Variants in PLEKHM3 observed in about 807,000 individuals in gnomAD.
PLEKHM3 encodes the protein pleckstrin homology domain containing M3.
PLEKHM3 carries 45 observed loss-of-function variants against 81.8 expected under a neutral mutation model. The observed-to-expected ratio is 0.55, with a 90% CI of 0.43 to 0.71. The LOEUF (loss-of-function observed/expected upper bound fraction) is 0.71, where lower values mean the gene tolerates loss of function less well. PLEKHM3 is among the 30% of genes least tolerant of loss of function. The pLI is 0.00. For missense variants in PLEKHM3, 788 were observed against 924.3 expected, an observed-to-expected ratio of 0.85 and a Z score of 1.91; for synonymous variants, 352 against 356.4, an observed-to-expected ratio of 0.99 and a Z score of 0.14.
intron 6 of PLEKHM3, among the ~76,000 whole-genome samples, chr2:207,893,658 CAT>C (rs1201371836): frequency 1.3e-5 from 2 of 152,066 alleles, no homozygotes; most frequent in African/African-American, 2.4e-5. Flanking sequence ...AATACACACA[CAT>C]ATATATGCAT....
Position 207,976,765 on chromosome 2 carries a change from C to A in PLEKHM3, c.1432G>T (p.Gly478Cys). The A allele has an allele frequency of 3.7e-6, 6 of 1,614,232 alleles. No individual in the cohort carries two copies. Among genetic ancestry groups the A allele is most frequent in the Non-Finnish European group, 5.1e-6 (6 of 1,180,054 alleles). Residue 478 changes from glycine to cysteine, a missense_variant, in exon 3 of 8, where the codon GGT becomes TGT. Transcript: ENST00000427836. This position sits in a 1 kb window ranked among gnomAD's most constrained non-coding sequence, Gnocchi z 4.1. Reference sequence around the variant, plus strand: ...TTGTTCTTCCTGAGTTCATGCCCACCCATTTGATCCTTGGGTTTGTTCCTC... The same window carrying A: ...TTGTTCTTCCTGAGTTCATGCCCACACATTTGATCCTTGGGTTTGTTCCTC... Reference protein sequence around the residue: ...TLRNKPKDQMGGHELRKNKRQ... With the variant: ...TLRNKPKDQMCGHELRKNKRQ...
intron 3 of PLEKHM3, among the ~76,000 whole-genome samples, chr2:207,956,122 G>A (rs911890592): frequency 4.6e-5 from 7 of 152,176 alleles, no homozygotes; most frequent in African/African-American, 1.7e-4. Flanking sequence ...ATTGTAAATA[G>A]AGGAGTATGA....
chr2:207,935,076 A>G (rs1450101694), intron 4 of PLEKHM3, among the ~76,000 whole-genome samples: 7 of 152,230 alleles, frequency 4.6e-5, no homozygotes, highest in Non-Finnish European at 7.3e-5. Flanking sequence ...AACACGAATA[A>G]GAAGGACTTG....
At chr2:207,919,967 C>G (rs1390869614) in intron 5 of PLEKHM3, among the ~76,000 whole-genome samples, 1 of 152,018 alleles carries the variant, frequency 6.6e-6, no homozygotes, top group Non-Finnish European at 1.5e-5. Flanking sequence ...CACACACACA[C>G]GCACACACAC....
chr2:207,839,382 C>A (rs937405978), intron 7 of PLEKHM3, among the ~76,000 whole-genome samples: 1 of 152,008 alleles, frequency 6.6e-6, no homozygotes, highest in Non-Finnish European at 1.5e-5. Flanking sequence ...ACTTTATGAG[C>A]AGTGTGATTA....
At chr2:207,890,853 A>C (rs575927143) in intron 6 of PLEKHM3, among the ~76,000 whole-genome samples, 3 of 152,356 alleles carry the variant, frequency 2.0e-5, no homozygotes, top group African/African-American at 7.2e-5. Context: ...AAAGCAAATC[A>C]ACTACTATTT....
rs116428199 is a variant in PLEKHM3, at chr2:207,898,752, G to A, written c.1950+9762C>T. Among the ~76,000 whole-genome samples, 474 of 152,024 alleles carry A rather than the reference G, an allele frequency of 3.1e-3. 3 individuals carry two copies. The highest frequency in any genetic ancestry group is 0.011 in the African/African-American group (444 of 41,460). On this transcript the variant is annotated intron_variant, in intron 6 of 7. Coordinates refer to ENST00000427836, the MANE Select transcript of PLEKHM3 (RefSeq NM_001080475.3). ...CTATAAAACATTTTAAAAATCAGCC[G>A]TAGCGTGGTGGCGCGTGCCTATGGT...
intron 1 of PLEKHM3, among the ~76,000 whole-genome samples, chr2:208,009,572 C>T (rs1692617932): frequency 6.6e-6 from 1 of 152,148 alleles, no homozygotes; most frequent in Non-Finnish European, 1.5e-5. Flanking sequence ...TACTATTACC[C>T]TCATTTTACG....
chr2:207,962,344 A>G (rs1690763652), intron 3 of PLEKHM3, among the ~76,000 whole-genome samples: 1 of 152,190 alleles, frequency 6.6e-6, no homozygotes, highest in South Asian at 2.1e-4. Flanking sequence ...TGATGATCAT[A>G]ACAATTTGAT....
intron 6 of PLEKHM3, among the ~76,000 whole-genome samples, chr2:207,899,388 AC>A (rs1688345876): frequency 6.6e-6 from 1 of 152,238 alleles, no homozygotes; most frequent in African/African-American, 2.4e-5. Flanking sequence ...TTCCTGGCAC[AC>A]AGACAGAGTG....
intron 6 of PLEKHM3, among the ~76,000 whole-genome samples, chr2:207,875,661 C>G (rs372149134): frequency 6.6e-6 from 1 of 152,274 alleles, no homozygotes; most frequent in South Asian, 2.1e-4. Flanking sequence ...AAAACACACA[C>G]AAACACACAA....
rs1034502356 is a variant in PLEKHM3, at chr2:207,825,324, G to A, written c.*2995C>T. ...CCTCAAGTGATACACTAGGGAATGA[G>A]CCTTTCAGCAAAAAGCGGTTCCCCG... On this transcript the variant is annotated 3_prime_UTR_variant, in exon 8 of 8. Transcript: ENST00000427836. 2 of 152,154 alleles carry A rather than the reference G, an allele frequency of 1.3e-5. No homozygotes were observed. The highest frequency in any genetic ancestry group is 2.9e-5 in the Non-Finnish European group (2 of 68,036). 9.4% of individuals were successfully genotyped at this position (152,154 alleles called of 1,614,324 possible).
At chr2:207,955,602 C>A (rs1052415562) in intron 3 of PLEKHM3, among the ~76,000 whole-genome samples, 1 of 152,000 alleles carries the variant, frequency 6.6e-6, no homozygotes, top group Non-Finnish European at 1.5e-5. Context: ...GGTATTATGC[C>A]CATTTTACAG....
At chr2:207,904,709 A>G (rs1381136430) in intron 6 of PLEKHM3, among the ~76,000 whole-genome samples, 1 of 152,188 alleles carries the variant, frequency 6.6e-6, no homozygotes, top group East Asian at 1.9e-4. Flanking sequence ...GTAAGGGAAA[A>G]TGCATGCAAA....
At chr2:207,922,193 G>A (rs2105923263) in intron 5 of PLEKHM3, among the ~76,000 whole-genome samples, 1 of 152,234 alleles carries the variant, frequency 6.6e-6, no homozygotes, top group Non-Finnish European at 1.5e-5. Flanking sequence ...GGGGTGAGAT[G>A]ATATCTCCTT....
intron 6 of PLEKHM3, among the ~76,000 whole-genome samples, chr2:207,892,490 C>A (rs138282033): frequency 6.6e-6 from 1 of 152,142 alleles, no homozygotes; most frequent in African/African-American, 2.4e-5. Flanking sequence ...CTAACTAGCA[C>A]GGCTGGCCAT....
At chr2:207,896,755 T>C (rs1688236809) in intron 6 of PLEKHM3, among the ~76,000 whole-genome samples, 1 of 152,198 alleles carries the variant, frequency 6.6e-6, no homozygotes, top group African/African-American at 2.4e-5. Flanking sequence ...CTAGTAAAAC[T>C]ATAATTGCAG....
intron 4 of PLEKHM3, among the ~76,000 whole-genome samples, chr2:207,938,559 G>C (rs60678687): frequency 0.039 from 5,974 of 152,224 alleles, 366 homozygotes; most frequent in African/African-American, 0.14. Flanking sequence ...CTCACAATTA[G>C]GAGAATTAAG....
intron 4 of PLEKHM3, among the ~76,000 whole-genome samples, chr2:207,942,872 C>T (rs962537199): frequency 2.1e-4 from 32 of 152,116 alleles, no homozygotes; most frequent in African/African-American, 7.0e-4. Context: ...TGAACTCCAA[C>T]CTGGCAACAG....
Sources: gnomAD v4.1 joint callset for allele counts (sites outside exome capture counted in the v4.1 genomes callset) on GRCh38, gnomAD v4.1.1 for gene constraint, Gnocchi (gnomAD v3.1) non-coding constraint, MANE v1.5 for transcripts, NCBI Gene and HGNC (gene_info 2026-07-23, HGNC 2026-07-21) for gene names.